ACAA1: variants seen among roughly 807,000 people sequenced by gnomAD.
ACAA1 encodes the protein 3-ketoacyl-CoA thiolase, peroxisomal.
ACAA1 carries 44 observed loss-of-function variants against 48.8 expected under a neutral mutation model. The observed-to-expected ratio is 0.90, with a 90% CI of 0.71 to 1.16. The LOEUF is 1.16. Ranked by LOEUF, ACAA1 falls within the 50% of genes most tolerant of loss-of-function variation. ACAA1 has a pLI of 0.00. For missense variants in ACAA1, 512 were observed against 562.3 expected (o/e 0.91, Z 0.90); for synonymous variants, 233 against 226.5 (o/e 1.03, Z -0.26).
At chr3:38,136,042 A>G (rs1700885009) in intron 2 of ACAA1, among the ~76,000 whole-genome samples, 1 of 152,206 alleles carries the variant, frequency 6.6e-6, no homozygotes, top group African/African-American at 2.4e-5. Context: ...GAGAATGGCG[A>G]TGACTTTTAC....
At chr3:38,131,072 G>T (rs1364638478) in intron 5 of ACAA1, among the ~76,000 whole-genome samples, 3 of 152,230 alleles carry the variant, frequency 2.0e-5, no homozygotes, top group Non-Finnish European at 4.4e-5. Context: ...CACAGTCTAG[G>T]TGAAGGTGAC....
intron 2 of ACAA1, 129 bp from the exon 3 acceptor site, chr3:38,134,138 C>G: frequency 1.2e-6 from 1 of 867,264 alleles, no homozygotes; most frequent in Non-Finnish European, 1.8e-6. Context: ...GGCTCACTTG[C>G]AACTCTGGAA....
intron 2 of ACAA1, chr3:38,135,279 A>C (rs1208540486): frequency 6.6e-6 from 1 of 152,174 alleles, no homozygotes; most frequent in Non-Finnish European, 1.5e-5. Context: ...ATTTCTCGCA[A>C]GGTGGAGACG....
chr3:38,123,002 G>C lies in ACAA1; in HGVS notation c.*45C>G. 6.4e-7 allele frequency: 1 copy of C among 1,571,654 alleles called. No homozygotes were observed. On this transcript the variant is annotated 3_prime_UTR_variant, in exon 12 of 12. Transcript: ENST00000333167. ...TTGTGGTGTTACTGCCTTGCTGCTA[G>C]AGCAGCAGGACTGTCTGCGTAGCGC...
At chr3:38,134,399 G>T (rs1700846190) in intron 2 of ACAA1, 1 of 425,528 alleles carries the variant, frequency 2.4e-6, no homozygotes, top group African/African-American at 2.0e-5. Flanking sequence ...CCTAGGGGTG[G>T]CATCCGCTGG....
chr3:38,125,774 A>G (rs1455984731), intron 10 of ACAA1, 52 bp downstream of exon 10: 2 of 1,613,686 alleles, frequency 1.2e-6, no homozygotes, highest in Non-Finnish European at 1.7e-6. Context: ...CTGCCCGCTC[A>G]CTCCACCTCG....
intron 2 of ACAA1, among the ~76,000 whole-genome samples, chr3:38,135,496 C>T (rs530024528): frequency 6.6e-6 from 1 of 151,918 alleles, no homozygotes; most frequent in East Asian, 1.9e-4. Context: ...AGGGGGTCAA[C>T]AGGAAAAAAT....
chr3:38,126,741 G>T lies in ACAA1; in HGVS notation c.627-41C>A. On this transcript the variant is annotated intron_variant, in intron 7 of 11. Coordinates refer to ENST00000333167, the MANE Select transcript of ACAA1 (RefSeq NM_001607.4). The surrounding 1 kb of genome is among the most constrained non-coding windows in gnomAD (Gnocchi z 4.7). ...ACAGCCAGCTTCAGACTCCCTTGGG[G>T]TTCCCTTCCTCCCTGCCCCCAACCC... 1 of 1,609,946 alleles carries T rather than the reference G, an allele frequency of 6.2e-7. No individual in the cohort carries two copies. The highest frequency in any genetic ancestry group is 8.5e-7 in the Non-Finnish European group (1 of 1,178,888).
At chr3:38,136,842 G>A in intron 1 of ACAA1, 23 bp downstream of exon 1, 1 of 1,502,670 alleles carries the variant, frequency 6.7e-7, no homozygotes, top group South Asian at 1.3e-5. Context: ...CCCACACTCG[G>A]CGCCCAGACC....
In ACAA1 at chr3:38,137,045, C is replaced by G. The variant is rs939134988; in HGVS notation, c.-10G>C. The G allele has an allele frequency of 2.8e-5, 44 of 1,554,204 alleles. No homozygotes were observed. Among genetic ancestry groups the G allele is most frequent in the Non-Finnish European group, 3.6e-5 (41 of 1,152,760 alleles). ...CCTGCAGCCTCTGCATTGCGCAGGT[C>G]AACCCTGCAGACCAGCCACCAGTCC... On this transcript the variant is annotated 5_prime_UTR_variant, in exon 1 of 12. An upstream open reading frame in the 5' UTR loses its in-frame stop. Transcript: ENST00000333167.
chr3:38,123,271 GCA>G, intron 11 of ACAA1, 149 bp from the exon 12 acceptor site: 1 of 692,422 alleles, frequency 1.4e-6, no homozygotes, highest in South Asian at 1.7e-5. Context: ...TCCCACTTGG[GCA>G]CACACACGGT....
At chr3:38,136,489 T>C (rs1354040630) in intron 2 of ACAA1, 103 bp downstream of exon 2, 2 of 1,280,248 alleles carry the variant, frequency 1.6e-6, no homozygotes, top group Non-Finnish European at 2.3e-6. Context: ...GTCAAGGCCA[T>C]GGAGGTTCCC....
chr3:38,131,761 A>T (rs1056477228), intron 4 of ACAA1, 123 bp from the exon 5 acceptor site: 16 of 1,301,144 alleles, frequency 1.2e-5, no homozygotes, highest in Non-Finnish European at 1.7e-5. Context: ...TGGAAGACCC[A>T]GGAGTGTTCA....
At chr3:38,128,863 T>C (rs1322552494) in intron 6 of ACAA1, among the ~76,000 whole-genome samples, 1 of 152,130 alleles carries the variant, frequency 6.6e-6, no homozygotes, top group African/African-American at 2.4e-5. Flanking sequence ...AGTGCTGGGA[T>C]TACAGGCATG....
chr3:38,129,212 A>G lies in ACAA1; in HGVS notation c.545+78T>C. On this transcript the variant is annotated intron_variant, in intron 6 of 11. Coordinates refer to ENST00000333167, the MANE Select transcript of ACAA1 (RefSeq NM_001607.4). The surrounding 1 kb of genome is among the most constrained non-coding windows in gnomAD (Gnocchi z 5.3). ...AGGCCAAGGCTTGGCACCACCAGCC[A>G]CAGAGATGATAAAAGTTCCTTGGCT... is the stretch of plus-strand genomic sequence containing the variant. 7.5e-7 allele frequency: 1 copy of G among 1,335,394 alleles called. No homozygotes were observed. The highest frequency in any genetic ancestry group is 1.2e-5 in the South Asian group (1 of 80,726). 82.7% of individuals were successfully genotyped at this position (1,335,394 alleles called of 1,614,324 possible).
rs1700742537 is a variant in ACAA1, at chr3:38,129,404, A to G, written c.447-16T>C. On this transcript the variant is annotated splice_polypyrimidine_tract_variant and intron_variant, in intron 5 of 11. Transcript: ENST00000333167. This position sits in a 1 kb window ranked among gnomAD's most constrained non-coding sequence, Gnocchi z 5.3. ...GGACTCCACCCTGGGGAGGAGGAAG[A>G]GGAGGAGAAGGTAAGGTGAACTGGG... 1.9e-6 allele frequency: 3 copies of G among 1,599,490 alleles called. No homozygotes were observed.
intron 2 of ACAA1, 26 bp from the exon 3 acceptor site, chr3:38,134,035 T>C: frequency 6.2e-7 from 1 of 1,607,550 alleles, no homozygotes; most frequent in South Asian, 1.1e-5. Flanking sequence ...TTTCATTCAG[T>C]GCCAGGCGGT....
chr3:38,135,817 G>C lies in ACAA1; in HGVS notation c.265+775C>G, dbSNP rs552889485. On this transcript the variant is annotated intron_variant, in intron 2 of 11. Coordinates refer to ENST00000333167, the MANE Select transcript of ACAA1 (RefSeq NM_001607.4). ...ATACTCCTCAGCACCGACCCTTTAC[G>C]GGTGTCTGCAAAGAGGCCTTCCTCT... 7.9e-5 allele frequency among the ~76,000 whole-genome samples: 12 copies of C among 152,020 alleles called. No individual in the cohort carries two copies. The East Asian group carries it at 1.6e-3, about 20-fold the overall frequency.
In ACAA1 at chr3:38,137,057, C is replaced by A; in HGVS notation, c.-22G>T. 3 of 1,527,526 alleles carry A rather than the reference C, an allele frequency of 2.0e-6. No homozygotes were observed. Among genetic ancestry groups the A allele is most frequent in the Non-Finnish European group, 2.6e-6 (3 of 1,140,900 alleles). 94.6% of individuals were successfully genotyped at this position (1,527,526 alleles called of 1,614,324 possible). A position where few individuals can be genotyped will look rare whatever the true frequency, so the allele number is the denominator to read the frequency against. Reference sequence around the variant, plus strand: ...GCATTGCGCAGGTCAACCCTGCAGACCAGCCACCAGTCCGGGAACTGACCG... The same window carrying A: ...GCATTGCGCAGGTCAACCCTGCAGAACAGCCACCAGTCCGGGAACTGACCG... On this transcript the variant is annotated 5_prime_UTR_variant, in exon 1 of 12. Coordinates refer to ENST00000333167, the MANE Select transcript of ACAA1 (RefSeq NM_001607.4).
Sources: allele counts gnomAD v4.1 joint callset (sites outside exome capture counted in the v4.1 genomes callset), GRCh38; gene constraint gnomAD v4.1.1; non-coding constraint Gnocchi (gnomAD v3.1); transcripts MANE v1.5; gene names NCBI Gene and HGNC (gene_info 2026-07-23, HGNC 2026-07-21).